Variants in PALM2AKAP2 observed in about 807,000 individuals in gnomAD.
PALM2AKAP2 encodes the protein PALM2 and AKAP2 fusion.
PALM2AKAP2 carries 37 observed loss-of-function variants against 71.5 expected under a neutral mutation model. That is an observed-to-expected ratio of 0.52 (90% CI 0.40 to 0.68). The LOEUF is 0.68. Among genes scored for constraint, PALM2AKAP2 ranks in the 30% least tolerant of loss-of-function variants. The pLI is 0.00. For missense variants in PALM2AKAP2, 1,224 were observed against 1,191.8 expected (o/e 1.03, Z -0.40); for synonymous variants, 468 against 478.8 (o/e 0.98, Z 0.29).
chr9:109,994,377 C>T (rs562765512), intron 6 of PALM2AKAP2, among the ~76,000 whole-genome samples: 11 of 152,318 alleles, frequency 7.2e-5, no homozygotes, highest in African/African-American at 2.6e-4. Flanking sequence ...TGGGTCCAGC[C>T]AAACTCCCGA....
chr9:110,036,640 G>A (rs1162752608), intron 7 of PALM2AKAP2, among the ~76,000 whole-genome samples: 3 of 152,050 alleles, frequency 2.0e-5, no homozygotes, highest in South Asian at 4.2e-4. Context: ...TCATTTTTCT[G>A]CTTGAAATAA....
chr9:109,924,819 G>A (rs1473803757), intron 4 of PALM2AKAP2, among the ~76,000 whole-genome samples: 1 of 152,116 alleles, frequency 6.6e-6, no homozygotes, highest in Admixed American at 6.5e-5. Flanking sequence ...GCATGACCAA[G>A]GATATTTGCT....
At chr9:109,852,085 AT>A (rs1323350262) in intron 1 of PALM2AKAP2, among the ~76,000 whole-genome samples, 62 of 152,200 alleles carry the variant, frequency 4.1e-4, no homozygotes, top group Admixed American at 3.9e-3. Context: ...TAAAAAAAAA[AT>A]AATTAAAGAA....
intron 1 of PALM2AKAP2, among the ~76,000 whole-genome samples, chr9:109,786,030 C>A (rs1424130739): frequency 3.3e-5 from 5 of 152,246 alleles, no homozygotes; most frequent in African/African-American, 1.2e-4. Context: ...TGATTCTATT[C>A]TCAGTCCTGC....
At chr9:110,053,579 A>G (rs901087026) in intron 1 of PALM2AKAP2, among the ~76,000 whole-genome samples, 1 of 151,902 alleles carries the variant, frequency 6.6e-6, no homozygotes, top group African/African-American at 2.4e-5. Flanking sequence ...GAAAAAGAAA[A>G]AAAGAGACAT....
chr9:109,699,102 C>G (rs989979639), intron 1 of PALM2AKAP2, among the ~76,000 whole-genome samples: 1 of 152,126 alleles, frequency 6.6e-6, no homozygotes, highest in Admixed American at 6.5e-5. Context: ...TTAAAAATAA[C>G]AGAACGACAA....
In PALM2AKAP2 at chr9:110,051,693, CTT is replaced by C. The variant is rs369680593; in HGVS notation, c.156+2840_156+2841del. ...CAAGGATAGACTGTTTAGTTCCAGT[CTT>C]TAGCTTTATACATGACTCAACGCCA... On this transcript the variant is annotated intron_variant, in intron 1 of 3. Transcript: ENST00000374525. Among the ~76,000 whole-genome samples the C allele has an allele frequency of 6.4e-3, 980 of 152,302 alleles. 12 individuals carry two copies. The highest frequency in any genetic ancestry group is 0.046 in the South Asian group (224 of 4,826).
At chr9:109,844,018 G>C (rs75932222) in intron 1 of PALM2AKAP2, among the ~76,000 whole-genome samples, 4 of 151,972 alleles carry the variant, frequency 2.6e-5, no homozygotes. Flanking sequence ...TTGCAGATTT[G>C]GGTTCTCTTT....
intron 1 of PALM2AKAP2, among the ~76,000 whole-genome samples, chr9:109,667,928 G>GTT (rs1213195298): frequency 0.061 from 3,470 of 56,458 alleles, 930 homozygotes; most frequent in Non-Finnish European, 0.087. Context: ...GATGGCTTTG[G>GTT]TTTTTTTTTT....
chr9:109,932,076 A>C, intron 6 of PALM2AKAP2, 48 bp downstream of exon 6: 1 of 1,543,472 alleles, frequency 6.5e-7, no homozygotes, highest in Non-Finnish European at 8.8e-7. Flanking sequence ...AGGGGCTTGC[A>C]TTTCACTGAG....
chr9:109,917,993 A>G (rs1588006960), intron 3 of PALM2AKAP2, among the ~76,000 whole-genome samples: 3 of 152,222 alleles, frequency 2.0e-5, no homozygotes, highest in Non-Finnish European at 4.4e-5. Context: ...GATATTGAGA[A>G]GACCACTCAG....
chr9:109,721,427 ATTCCAACTCCAGGCC>A lies in PALM2AKAP2; in HGVS notation c.6-59049_6-59035del, dbSNP rs1227103692. Among the ~76,000 whole-genome samples the A allele has an allele frequency of 2.0e-5, 3 of 152,342 alleles. No individual in the cohort carries two copies. The East Asian group carries it at 5.8e-4, about 29-fold the overall frequency. On this transcript the variant is annotated intron_variant, in intron 1 of 6. Transcript: ENST00000374531. ...TCTCATTTTAATTCCTTGTCAGAAT[ATTCCAACTCCAGGCC>A]TTCCAACTCCAAGGAAACTGAGGCA...
chr9:109,802,344 A>G (rs1827455222), intron 1 of PALM2AKAP2, among the ~76,000 whole-genome samples: 1 of 152,148 alleles, frequency 6.6e-6, no homozygotes, highest in Admixed American at 6.5e-5. Flanking sequence ...GAAATTCTTA[A>G]TAACTTTTGG....
At chr9:109,993,895 C>G (rs1832527039) in intron 6 of PALM2AKAP2, among the ~76,000 whole-genome samples, 1 of 151,846 alleles carries the variant, frequency 6.6e-6, no homozygotes, top group Non-Finnish European at 1.5e-5. Context: ...TGTCTCTCAC[C>G]CTCTTCCTCC....
chr9:109,765,950 C>T lies in PALM2AKAP2; in HGVS notation c.6-14538C>T, dbSNP rs576815103. Among the ~76,000 whole-genome samples, 17 of 152,298 alleles carry T rather than the reference C, an allele frequency of 1.1e-4. No homozygotes were observed. The South Asian group carries it at 1.9e-3, about 17-fold the overall frequency. On this transcript the variant is annotated intron_variant, in intron 1 of 6. Transcript: ENST00000374531. The stretch of plus-strand genomic sequence containing the variant: ...CAATTGTGATGGAGGCCACATGGTT[C>T]CTGGTTATACCCAGGCCTGTCATAT...
chr9:109,733,743 C>T (rs900793118), intron 1 of PALM2AKAP2, among the ~76,000 whole-genome samples: 1 of 152,174 alleles, frequency 6.6e-6, no homozygotes, highest in African/African-American at 2.4e-5. Context: ...TTGGGGGAAT[C>T]AATCTGAAAA....
upstream of PALM2AKAP2, among the ~76,000 whole-genome samples, chr9:110,048,108 A>C (rs1015513807): frequency 6.6e-6 from 1 of 152,156 alleles, no homozygotes; most frequent in Non-Finnish European, 1.5e-5. Flanking sequence ...CCATCGGGGG[A>C]GTCCTCAAAC....
chr9:109,758,229 G>A (rs1413648648), intron 1 of PALM2AKAP2, among the ~76,000 whole-genome samples: 2 of 152,038 alleles, frequency 1.3e-5, no homozygotes, highest in East Asian at 3.8e-4. Flanking sequence ...GAGAAGTTGT[G>A]TACTATTGTA....
chr9:109,856,042 T>C (rs1381845591), intron 1 of PALM2AKAP2, among the ~76,000 whole-genome samples: 1 of 152,212 alleles, frequency 6.6e-6, no homozygotes, highest in African/African-American at 2.4e-5. Flanking sequence ...GAGGAAAAAC[T>C]GTCAAAACTC....
Sources: allele counts gnomAD v4.1 joint callset (sites outside exome capture counted in the v4.1 genomes callset), GRCh38; gene constraint gnomAD v4.1.1; transcripts MANE v1.5; gene names NCBI Gene and HGNC (gene_info 2026-07-23, HGNC 2026-07-21).